The following GPM6B variants were observed in gnomAD, a reference collection of about 807,000 sequenced individuals.
The protein encoded by GPM6B is neuronal membrane glycoprotein M6-b.
GPM6B carries 4 observed loss-of-function variants against 27.2 expected under a neutral mutation model. The ratio of observed to expected loss-of-function variants is 0.15; its 90% confidence interval spans 0.07 to 0.34. The LOEUF (loss-of-function observed/expected upper bound fraction) is 0.34. Ranked by LOEUF, GPM6B falls within the 10% of genes least tolerant of loss-of-function variation. The pLI is 1.00. For missense variants in GPM6B, 183 were observed against 261.9 expected (o/e 0.70, Z 2.08); for synonymous variants, 124 against 103.1 (o/e 1.20, Z -1.23).
intron 7 of GPM6B, chrX:13,774,545 T>C (rs1569179853): frequency 8.3e-7 from 1 of 1,206,894 alleles, no homozygotes. Context: ...TTATGCAATT[T>C]AGAATTTAGT....
intron 1 of GPM6B, among the ~76,000 whole-genome samples, chrX:13,840,575 C>T (rs1360367612): frequency 9.0e-6 from 1 of 111,617 alleles, no homozygotes; most frequent in Non-Finnish European, 1.9e-5. Context: ...AGAGCAGTTG[C>T]CCAAGTAAGA....
chrX:13,854,103 T>C (rs1240143651), intron 1 of GPM6B, among the ~76,000 whole-genome samples: 1 of 111,492 alleles, frequency 9.0e-6, no homozygotes, highest in African/African-American at 3.3e-5. Context: ...GAAGCAGATA[T>C]GGCTTTGGGG....
intron 1 of GPM6B, among the ~76,000 whole-genome samples, chrX:13,879,901 G>A (rs754088767): frequency 9.0e-6 from 1 of 111,556 alleles, no homozygotes; most frequent in African/African-American, 3.3e-5. Context: ...GATGTTGCTC[G>A]TCCAGGAAGC....
chrX:13,834,553 A>G (rs2049475572), intron 1 of GPM6B, among the ~76,000 whole-genome samples: 1 of 112,558 alleles, frequency 8.9e-6, no homozygotes, highest in African/African-American at 3.2e-5. Context: ...AGACCAAGGA[A>G]CAGTCAATAA....
chrX:13,876,431 T>A (rs1404807410), intron 1 of GPM6B, among the ~76,000 whole-genome samples: 2 of 112,529 alleles, frequency 1.8e-5, no homozygotes, highest in African/African-American at 6.5e-5. Context: ...TTGTTAAAAT[T>A]TTTGACATAC....
chrX:13,799,131 C>T (rs1164437064), intron 2 of GPM6B, among the ~76,000 whole-genome samples: 2 of 108,642 alleles, frequency 1.8e-5, no homozygotes, highest in East Asian at 5.7e-4. Flanking sequence ...GAAAATCATC[C>T]CACAAAGTTA....
At position 13,812,197 on chromosome X, in the gene GPM6B, A is replaced by C. The variant is rs1258739633; in HGVS notation, c.62-4428T>G. On this transcript the variant is annotated intron_variant, in intron 1 of 7. Coordinates refer to ENST00000316715, the MANE Select transcript of GPM6B (RefSeq NM_001001995.3). Reference sequence around the variant, plus strand: ...CCTGAGTAGCTGGGATTACAGGCACACACCACCACGCCCGGCTAATTTTGT... The same window carrying C: ...CCTGAGTAGCTGGGATTACAGGCACCCACCACCACGCCCGGCTAATTTTGT... Among the ~76,000 whole-genome samples, 10 of 107,777 alleles carry C rather than the reference A, an allele frequency of 9.3e-5. No homozygotes were observed. In the East Asian group the frequency reaches 2.0e-3, roughly 22 times the overall value. 93.6% of individuals were successfully genotyped at this position (107,777 alleles called of 115,157 possible).
At chrX:13,782,774 GAAAA>G (rs5901518) in intron 4 of GPM6B, among the ~76,000 whole-genome samples, 1 of 90,125 alleles carries the variant, frequency 1.1e-5, no homozygotes. Context: ...AAAAAAAAAA[GAAAA>G]AAAAAAAAAT....
chrX:13,820,968 A>T (rs1484793802), upstream of GPM6B, among the ~76,000 whole-genome samples: 1 of 111,911 alleles, frequency 8.9e-6, no homozygotes, highest in Non-Finnish European at 1.9e-5. Flanking sequence ...GGGTAAAAGA[A>T]ACAAAGAAGG....
chrX:13,783,019 G>A lies in GPM6B; in HGVS notation c.525+346C>T, dbSNP rs1186090294. On this transcript the variant is annotated intron_variant, in intron 4 of 7. Coordinates refer to ENST00000316715, the MANE Select transcript of GPM6B (RefSeq NM_001001995.3). ...TCCATGGTTCATGTATGTCTTTATG[G>A]CTATGATCCATATTTAAAGACAACC... is the stretch of plus-strand genomic sequence containing the variant. Among the ~76,000 whole-genome samples, 3 of 111,832 alleles carry A rather than the reference G, an allele frequency of 2.7e-5. No individual in the cohort carries two copies. The East Asian group carries it at 8.4e-4, about 31-fold the overall frequency.
intron 1 of GPM6B, among the ~76,000 whole-genome samples, chrX:13,865,515 G>A (rs1469127247): frequency 1.6e-5 from 1 of 61,757 alleles, no homozygotes; most frequent in Non-Finnish European, 3.0e-5. Context: ...GCAGATCACT[G>A]GACCACACGG....
chrX:13,919,637 T>C (rs1262169904), intron 1 of GPM6B, among the ~76,000 whole-genome samples: 1 of 112,290 alleles, frequency 8.9e-6, no homozygotes, highest in Non-Finnish European at 1.9e-5. Flanking sequence ...CAAATATCTA[T>C]TACAATCAAT....
intron 2 of GPM6B, among the ~76,000 whole-genome samples, chrX:13,791,435 G>A: frequency 9.0e-6 from 1 of 111,338 alleles, no homozygotes; most frequent in Non-Finnish European, 1.9e-5. Flanking sequence ...AGAATGCCAG[G>A]CTTTCTAGCA....
chrX:13,937,072 C>T (rs1921873424), intron 1 of GPM6B, among the ~76,000 whole-genome samples: 1 of 111,703 alleles, frequency 9.0e-6, no homozygotes, highest in African/African-American at 3.3e-5. Context: ...TGTGTATGAG[C>T]CTCATTTAAA....
chrX:13,888,330 T>G (rs1415785095), intron 1 of GPM6B, among the ~76,000 whole-genome samples: 1 of 111,880 alleles, frequency 8.9e-6, no homozygotes, highest in Non-Finnish European at 1.9e-5. Flanking sequence ...TACCTTCCAT[T>G]TTCTTTCACT....
intron 1 of GPM6B, among the ~76,000 whole-genome samples, chrX:13,890,521 T>G (rs1044771508): frequency 9.9e-5 from 11 of 111,655 alleles, no homozygotes; most frequent in Non-Finnish European, 2.1e-4. Flanking sequence ...ACACTATTAG[T>G]TAGTTACTCT....
At position 13,836,454 on chromosome X, in the gene GPM6B, A is replaced by G. The variant is rs188039898; in HGVS notation, c.-197-50646T>C. On this transcript the variant is annotated intron_variant, in intron 1 of 6. Coordinates refer to the GPM6B transcript ENST00000398361. ...GAGCTCTAACCCTAGTTTCTATCCAATGAAGTTCTGTGGATATAAATAACG... is the reference window on the plus strand; with the variant it reads ...GAGCTCTAACCCTAGTTTCTATCCAGTGAAGTTCTGTGGATATAAATAACG... Among the ~76,000 whole-genome samples, 43 of 112,525 alleles carry G rather than the reference A, an allele frequency of 3.8e-4. No homozygotes were observed. The East Asian group carries it at 0.011, about 28-fold the overall frequency.
chrX:13,905,810 C>T (rs1390787191), intron 1 of GPM6B, among the ~76,000 whole-genome samples: 1 of 110,987 alleles, frequency 9.0e-6, no homozygotes, highest in Admixed American at 9.6e-5. Context: ...GCTTAAAAAC[C>T]CCTATTTGAT....
At chrX:13,846,523 C>T (rs963852864) in intron 1 of GPM6B, among the ~76,000 whole-genome samples, 2 of 110,537 alleles carry the variant, frequency 1.8e-5, no homozygotes, top group Admixed American at 1.9e-4. Context: ...TGGAGTCTTG[C>T]TCTGTCGCCC....
Sources: gnomAD v4.1 joint callset for allele counts (sites outside exome capture counted in the v4.1 genomes callset) on GRCh38, gnomAD v4.1.1 for gene constraint, MANE v1.5 for transcripts, NCBI Gene and HGNC (gene_info 2026-07-23, HGNC 2026-07-21) for gene names.